NCKAP5: variants seen among roughly 807,000 people sequenced by gnomAD.
NCKAP5 encodes NCK associated protein 5.
Under a neutral mutation model 167.0 loss-of-function variants are expected in NCKAP5, and 92 were observed. The observed-to-expected ratio is 0.55, with a 90% CI of 0.47 to 0.66. The LOEUF is 0.66. NCKAP5 is among the 30% of genes least tolerant of loss of function. The pLI is 0.00. For missense variants in NCKAP5, 2,378 were observed against 2,315.0 expected, an observed-to-expected ratio of 1.03 and a Z score of -0.56; for synonymous variants, 891 against 877.4, an observed-to-expected ratio of 1.02 and a Z score of -0.27.
the NCKAP5 span, among the ~76,000 whole-genome samples, chr2:133,641,721 C>G: frequency 6.6e-6 from 1 of 152,324 alleles, no homozygotes; most frequent in Admixed American, 6.5e-5. Context: ...CTTAAGGGAA[C>G]CCCTGTGCCT....
At chr2:133,528,812 G>A (rs1017748010) in intron 2 of NCKAP5, among the ~76,000 whole-genome samples, 4 of 152,128 alleles carry the variant, frequency 2.6e-5, no homozygotes, top group Non-Finnish European at 5.9e-5. Context: ...CCATCAGTAC[G>A]GTTACTGCTT....
At chr2:133,404,514 A>G (rs1416823121) in intron 3 of NCKAP5, among the ~76,000 whole-genome samples, 4 of 152,200 alleles carry the variant, frequency 2.6e-5, no homozygotes, top group Admixed American at 6.5e-5. Context: ...AATTATAACA[A>G]TCTATGCACT....
At chr2:132,772,729 G>A (rs1336352765) in intron 16 of NCKAP5, among the ~76,000 whole-genome samples, 3 of 152,174 alleles carry the variant, frequency 2.0e-5, no homozygotes, top group Non-Finnish European at 4.4e-5. Context: ...AGACTTTTGT[G>A]TTCCCAATTA....
chr2:132,785,674 C>A lies in NCKAP5; in HGVS notation c.1137G>T (p.Ser379=). ...NWDKRLSIDS[S]LPSGFASPTN... is the part of the protein sequence containing the mutation. The stretch of plus-strand genomic sequence containing the variant: ...TAGGACTAGCAAAGCCACTTGGGAG[C>A]GAAGAATCAATACTTAGCCTTTTAT... Residue 379 remains serine, a synonymous_variant, in exon 14 of 20, where the codon TCG becomes TCT. Coordinates refer to ENST00000409261, the MANE Select transcript of NCKAP5 (RefSeq NM_207363.3). 2 of 1,508,380 alleles carry A rather than the reference C, an allele frequency of 1.3e-6. No homozygotes were observed. Among genetic ancestry groups the A allele is most frequent in the South Asian group, 2.7e-5 (2 of 72,910 alleles). The allele number at this position is 1,508,380 out of a possible 1,614,324, so 93.4% of individuals were successfully genotyped here.
chr2:133,188,440 G>C (rs546999784), intron 5 of NCKAP5, among the ~76,000 whole-genome samples: 1 of 152,060 alleles, frequency 6.6e-6, no homozygotes, highest in Middle Eastern at 3.4e-3. Flanking sequence ...CGACCTAATA[G>C]ACACCTACAG....
the NCKAP5 span, among the ~76,000 whole-genome samples, chr2:133,636,685 A>C: frequency 6.6e-6 from 1 of 152,202 alleles, no homozygotes; most frequent in East Asian, 1.9e-4. Flanking sequence ...CAAAACAAAC[A>C]AATTAATAAA....
the NCKAP5 span, among the ~76,000 whole-genome samples, chr2:133,583,904 C>T: frequency 1.3e-5 from 2 of 152,138 alleles, no homozygotes; most frequent in Non-Finnish European, 2.9e-5. Context: ...CAGGCACCCA[C>T]CACCATGCCT....
At chr2:132,834,083 T>G (rs984731212) in intron 11 of NCKAP5, among the ~76,000 whole-genome samples, 1 of 152,216 alleles carries the variant, frequency 6.6e-6, no homozygotes, top group Admixed American at 6.5e-5. Context: ...CTTTACTGAA[T>G]TCATTTAACA....
intron 2 of NCKAP5, among the ~76,000 whole-genome samples, chr2:133,529,271 C>T (rs567611481): frequency 3.3e-5 from 5 of 152,146 alleles, no homozygotes; most frequent in South Asian, 2.1e-4. Context: ...TACTCTTCTC[C>T]GCAGAGATGC....
chr2:132,839,961 T>C (rs1354281146), intron 11 of NCKAP5, among the ~76,000 whole-genome samples: 1 of 152,150 alleles, frequency 6.6e-6, no homozygotes, highest in African/African-American at 2.4e-5. Flanking sequence ...TAGCGTACTG[T>C]ATTTATCTAT....
chr2:133,667,913 AG>A, the NCKAP5 span, among the ~76,000 whole-genome samples: 1 of 152,040 alleles, frequency 6.6e-6, no homozygotes, highest in Admixed American at 6.5e-5. Context: ...CCAAAAAGAA[AG>A]CCCATACCCA....
intron 5 of NCKAP5, among the ~76,000 whole-genome samples, chr2:133,160,433 C>CTTTTTTTTTTTTTTTTTT (rs869057265): frequency 9.9e-6 from 1 of 100,860 alleles, no homozygotes; most frequent in African/African-American, 4.6e-5. Context: ...CTTTTCCTTT[C>CTTTTTTTTTTTTTTTTTT]TTTTTCTTTT....
At chr2:133,243,755 A>G (rs544171736) in intron 4 of NCKAP5, among the ~76,000 whole-genome samples, 1 of 152,356 alleles carries the variant, frequency 6.6e-6, no homozygotes, top group South Asian at 2.1e-4. Flanking sequence ...CCAAACCACA[A>G]GTAAACATTT....
chr2:132,821,182 T>A lies in NCKAP5; in HGVS notation c.808-24453A>T, dbSNP rs144640617. On this transcript the variant is annotated intron_variant, in intron 11 of 19. Coordinates refer to ENST00000409261, the MANE Select transcript of NCKAP5 (RefSeq NM_207363.3). ...AAGGAGTACTCCACTGCAAATTCCA[T>A]GAAACAGGTGAAAAACTGTGAGTTC... Among the ~76,000 whole-genome samples, 315 of 152,194 alleles carry A rather than the reference T, an allele frequency of 2.1e-3. 1 individual carries two copies. The highest frequency in any genetic ancestry group is 7.1e-3 in the African/African-American group (296 of 41,520).
intron 8 of NCKAP5, among the ~76,000 whole-genome samples, chr2:132,884,624 G>T (rs1425297234): frequency 6.6e-6 from 1 of 152,152 alleles, no homozygotes; most frequent in South Asian, 2.1e-4. Context: ...GGAGGAAAAT[G>T]CTAGAATTCC....
intron 3 of NCKAP5, among the ~76,000 whole-genome samples, chr2:133,481,935 T>G (rs1361845898): frequency 6.6e-6 from 1 of 152,312 alleles, no homozygotes; most frequent in South Asian, 2.1e-4. Flanking sequence ...ACCTTCAATC[T>G]TACTATATAT....
intron 3 of NCKAP5, among the ~76,000 whole-genome samples, chr2:133,313,990 C>G (rs1681431151): frequency 6.6e-6 from 1 of 152,208 alleles, no homozygotes; most frequent in African/African-American, 2.4e-5. Context: ...GTACACTGTA[C>G]TTTCAGACAT....
At chr2:132,853,191 T>C (rs1224684833) in intron 11 of NCKAP5, among the ~76,000 whole-genome samples, 2 of 152,230 alleles carry the variant, frequency 1.3e-5, no homozygotes, top group East Asian at 1.9e-4. Flanking sequence ...GGTTGCCTTA[T>C]TGGGTTTCCT....
chr2:133,278,060 T>C lies in NCKAP5; in HGVS notation c.143+24977A>G, dbSNP rs188466380. ...GAATAAAAAACCACAGGTGAATTCC[T>C]TTATCAGCTGGATGAAAGGAATGGT... On this transcript the variant is annotated intron_variant, in intron 4 of 19. Transcript: ENST00000409261. 3.2e-4 allele frequency among the ~76,000 whole-genome samples: 49 copies of C among 152,302 alleles called. 2 individuals carry two copies. In the South Asian group the frequency reaches 9.3e-3, roughly 29 times the overall value.
Sources: gnomAD v4.1 joint callset for allele counts (sites outside exome capture counted in the v4.1 genomes callset) on GRCh38, gnomAD v4.1.1 for gene constraint, MANE v1.5 for transcripts, NCBI Gene and HGNC (gene_info 2026-07-23, HGNC 2026-07-21) for gene names.